The following HGF variants were observed in gnomAD, a reference collection of about 807,000 sequenced individuals.
HGF encodes hepatocyte growth factor.
In HGF, 39 loss-of-function variants were observed where a neutral mutation model predicts 111.6. The ratio of observed to expected loss-of-function variants is 0.35; its 90% CI spans 0.27 to 0.46. The LOEUF is 0.46. HGF is among the 20% of genes least tolerant of loss of function. The probability of loss-of-function intolerance (pLI) is 1.00; values close to 1 mark genes in which losing one functional copy is unlikely to be tolerated. For missense variants in HGF, 735 were observed against 910.5 expected (o/e 0.81, Z 2.48); for synonymous variants, 285 against 294.8 (o/e 0.97, Z 0.34).
intron 4 of HGF, chr7:81,755,779 C>T (rs1788738048): frequency 2.0e-6 from 1 of 488,998 alleles, no homozygotes; most frequent in Admixed American, 3.8e-5. Context: ...AAGGAAAATA[C>T]TGTGTTTTAG....
intron 7 of HGF, among the ~76,000 whole-genome samples, chr7:81,730,363 G>C (rs899576641): frequency 1.3e-5 from 2 of 152,160 alleles, no homozygotes; most frequent in African/African-American, 4.8e-5. Flanking sequence ...GCTGAGCCAG[G>C]AAAACGGCTT....
chr7:81,723,254 C>T (rs1052497342), intron 9 of HGF, among the ~76,000 whole-genome samples: 6 of 152,062 alleles, frequency 3.9e-5, no homozygotes, highest in South Asian at 2.1e-4. Flanking sequence ...AATGGAATGG[C>T]ATGGAAGCAA....
intron 5 of HGF, among the ~76,000 whole-genome samples, chr7:81,745,915 T>C (rs1488764028): frequency 5.9e-5 from 9 of 152,192 alleles, no homozygotes; most frequent in Admixed American, 2.0e-4. Context: ...TTGCTGAAAG[T>C]GAGACTTCTC....
At chr7:81,703,223 T>C (rs1789333077) in intron 17 of HGF, among the ~76,000 whole-genome samples, 1 of 150,834 alleles carries the variant, frequency 6.6e-6, no homozygotes, top group African/African-American at 2.4e-5. Flanking sequence ...CATTATATTT[T>C]TTCTTATTTC....
chr7:81,749,292 A>G (rs903700781), intron 5 of HGF, among the ~76,000 whole-genome samples: 6 of 152,144 alleles, frequency 3.9e-5, no homozygotes, highest in African/African-American at 1.4e-4. Context: ...ATCATTTGAC[A>G]ATCATTAGAA....
intron 9 of HGF, among the ~76,000 whole-genome samples, chr7:81,722,494 T>C (rs886994602): frequency 7.9e-5 from 12 of 151,564 alleles, no homozygotes; most frequent in African/African-American, 2.7e-4. Context: ...TCAAAAGAAA[T>C]GTAGTCAGAA....
rs1789286591 is a variant in HGF, at chr7:81,701,801, G to GT, written c.*779dup. ...TAGATTAGGTGTTATTTAACTCTGG[G>GT]TGATGGCCACACCTGAAATGCCAAC... On this transcript the variant is annotated 3_prime_UTR_variant, in exon 18 of 18. Coordinates refer to ENST00000222390, the MANE Select transcript of HGF (RefSeq NM_000601.6). 6.6e-6 allele frequency: 1 copy of GT among 151,686 alleles called. No homozygotes were observed. Among genetic ancestry groups the GT allele is most frequent in the African/African-American group, 2.4e-5 (1 of 41,408 alleles). 9.4% of individuals were successfully genotyped at this position (151,686 alleles called of 1,614,324 possible).
chr7:81,758,556 T>C (rs1788897447), intron 3 of HGF, 136 bp downstream of exon 3: 1 of 648,104 alleles, frequency 1.5e-6, no homozygotes, highest in African/African-American at 1.8e-5. Context: ...ACTGTCTTAA[T>C]GGATGAATTG....
chr7:81,741,882 G>A (rs1299204686), intron 7 of HGF, among the ~76,000 whole-genome samples: 1 of 136,936 alleles, frequency 7.3e-6, no homozygotes, highest in African/African-American at 2.7e-5. Flanking sequence ...AAGTTGTGGC[G>A]AGCTGAGATT....
In HGF at chr7:81,699,028, TTAATAA is replaced by T. The variant is rs1024156645; in HGVS notation, c.*3547_*3552del. The T allele has an allele frequency of 6.6e-6, 1 of 151,340 alleles. No homozygotes were observed. The highest frequency in any genetic ancestry group is 2.4e-5 in the African/African-American group (1 of 41,346). 9.4% of individuals were successfully genotyped at this position (151,340 alleles called of 1,614,324 possible). A position where few individuals can be genotyped will look rare whatever the true frequency, so the allele number is the denominator to read the frequency against. On this transcript the variant is annotated 3_prime_UTR_variant, in exon 18 of 18. Transcript: ENST00000222390. ...ATAAGCATTTTGATAAAATATTTTA[TTAATAA>T]TAATAATATAATCATGGTTATAAAA...
chr7:81,704,959 C>G (rs1408521401), intron 17 of HGF, among the ~76,000 whole-genome samples: 1 of 151,760 alleles, frequency 6.6e-6, no homozygotes, highest in Non-Finnish European at 1.5e-5. Context: ...AAAGAGGGAA[C>G]AGCTTACCCA....
intron 12 of HGF, 51 bp from the exon 13 acceptor site, chr7:81,710,294 C>A: frequency 8.5e-7 from 1 of 1,180,730 alleles, no homozygotes; most frequent in South Asian, 1.2e-5. Context: ...TTGAAATAAT[C>A]AGTGCCTCTT....
chr7:81,746,824 A>G (rs1238708554), intron 5 of HGF, among the ~76,000 whole-genome samples: 2 of 152,158 alleles, frequency 1.3e-5, no homozygotes, highest in Admixed American at 6.5e-5. Flanking sequence ...TGAATGAAAC[A>G]GATGGTTCCA....
rs557563605 is a variant in HGF at position 81,711,788 on chromosome 7, C to G, written c.1406-269G>C. Among the ~76,000 whole-genome samples, 34 of 152,132 alleles carry G rather than the reference C, an allele frequency of 2.2e-4. No individual in the cohort carries two copies. In the East Asian group the frequency reaches 2.9e-3, roughly 13 times the overall value. ...CCTCCCAAGTAGCTGGAACCACAGG[C>G]ACACACCACCACACCCAGCTACTTT... On this transcript the variant is annotated intron_variant, in intron 11 of 17. Coordinates refer to ENST00000222390, the MANE Select transcript of HGF (RefSeq NM_000601.6).
intron 7 of HGF, among the ~76,000 whole-genome samples, chr7:81,740,103 A>G (rs12707453): frequency 0.14 from 21,409 of 152,202 alleles, 1,925 homozygotes; most frequent in East Asian, 0.31. Context: ...TAACTCTACA[A>G]TGGAAAGCAC....
chr7:81,752,340 T>A, intron 4 of HGF, 78 bp from the exon 5 acceptor site: 1 of 1,193,910 alleles, frequency 8.4e-7, no homozygotes, highest in Non-Finnish European at 1.2e-6. Flanking sequence ...AATTAGTGGG[T>A]ATGTTTTTGC....
At chr7:81,721,108 G>A (rs1458487034) in intron 9 of HGF, among the ~76,000 whole-genome samples, 1 of 152,116 alleles carries the variant, frequency 6.6e-6, no homozygotes, top group Non-Finnish European at 1.5e-5. Flanking sequence ...TTAGCCAGGC[G>A]TGGTGGTGGG....
chr7:81,734,641 A>C (rs1787766738), intron 7 of HGF, among the ~76,000 whole-genome samples: 1 of 152,118 alleles, frequency 6.6e-6, no homozygotes, highest in Non-Finnish European at 1.5e-5. Context: ...AGAAAAAAAA[A>C]TCTGATTACT....
intron 7 of HGF, among the ~76,000 whole-genome samples, chr7:81,730,031 A>G (rs1331187773): frequency 6.6e-6 from 1 of 152,198 alleles, no homozygotes; most frequent in Non-Finnish European, 1.5e-5. Context: ...CTCCACATGT[A>G]TAACTTATAT....
Sources: allele counts gnomAD v4.1 joint callset (sites outside exome capture counted in the v4.1 genomes callset), GRCh38; gene constraint gnomAD v4.1.1; transcripts MANE v1.5; gene names NCBI Gene and HGNC (gene_info 2026-07-23, HGNC 2026-07-21).